The following RASGRP4 variants were observed in gnomAD, a reference collection of about 807,000 sequenced individuals.
RASGRP4 encodes the protein RAS guanyl releasing protein 4.
A neutral mutation model predicts 84.4 loss-of-function variants in RASGRP4; 52 were observed. The observed-to-expected ratio is 0.62, with a 90% CI of 0.49 to 0.78. The LOEUF is 0.78. Among genes scored for constraint, RASGRP4 ranks in the 30% least tolerant of loss-of-function variants. The pLI is 0.00. For synonymous variants in RASGRP4, 356 were observed against 359.1 expected (o/e 0.99, Z 0.10); for missense variants, 760 against 886.9 (o/e 0.86, Z 1.82).
At chr19:38,424,417 G>A (rs931976927) in intron 1 of RASGRP4, among the ~76,000 whole-genome samples, 1 of 151,266 alleles carries the variant, frequency 6.6e-6, no homozygotes, top group Admixed American at 6.6e-5. Context: ...ATCACGCCAG[G>A]CTCCCACCTC....
intron 1 of RASGRP4, 51 bp downstream of exon 1, chr19:38,426,016 TGC>T: frequency 7.5e-7 from 1 of 1,325,746 alleles, no homozygotes; most frequent in Non-Finnish European, 9.8e-7. Flanking sequence ...AGCCCTCCCA[TGC>T]AGAGGGAGGC....
chr19:38,411,974 A>C (rs1252864890), intron 13 of RASGRP4, among the ~76,000 whole-genome samples: 1 of 152,214 alleles, frequency 6.6e-6, no homozygotes, highest in Non-Finnish European at 1.5e-5. Context: ...CCAGAGTTTG[A>C]GGATCTCTTG....
intron 4 of RASGRP4, 110 bp downstream of exon 4, chr19:38,420,798 T>C (rs1971711261): frequency 6.4e-6 from 7 of 1,101,442 alleles, no homozygotes. Flanking sequence ...CCTGTGGGGC[T>C]GGTTGGGTCT....
In RASGRP4 at chr19:38,421,096, A is replaced by C; in HGVS notation, c.313T>G (p.Ser105Ala). 6.2e-7 allele frequency: 1 copy of C among 1,613,214 alleles called. No homozygotes were observed. Among genetic ancestry groups the C allele is most frequent in the Non-Finnish European group, 8.5e-7 (1 of 1,179,272 alleles). Residue 105 changes from serine (S) to alanine (A), a missense_variant and splice_region_variant, in exon 3 of 17, where the codon TCA becomes GCA. Ser to Ala is a moderately conservative substitution (Grantham distance 99, BLOSUM62 1). Transcript: ENST00000615439. ...ATAGCTCACAGTCCTGGAGGATATG[A>C]GGTCAGCAGGCGGGCAGCCAGGTCG... ...SADLAARLLT[S>A]YQKATGDTQE...
chr19:38,422,690 C>A (rs1971813250), intron 1 of RASGRP4, among the ~76,000 whole-genome samples: 1 of 152,106 alleles, frequency 6.6e-6, no homozygotes, highest in African/African-American at 2.4e-5. Flanking sequence ...TCTCATCACC[C>A]CCAGATGGGA....
In RASGRP4 at chr19:38,414,315, T is replaced by TTTTA. The variant is rs1410111729; in HGVS notation, c.1230+529_1230+532dup. ...AGTGGGTCCTTTTATTTTATTTTAT[T>TTTTA]TTTATTTATTTATTTATTTTGAGAA... is the stretch of plus-strand genomic sequence containing the variant. On this transcript the variant is annotated intron_variant, in intron 9 of 16. Transcript: ENST00000615439. Among the ~76,000 whole-genome samples the TTTTA allele has an allele frequency of 1.1e-4, 16 of 152,030 alleles. No homozygotes were observed. In the East Asian group the frequency reaches 1.9e-3, roughly 18 times the overall value.
chr19:38,418,233 G>A lies in RASGRP4; in HGVS notation c.837+158C>T, dbSNP rs1971585273. Among the ~76,000 whole-genome samples, 1 of 152,068 alleles carries A rather than the reference G, an allele frequency of 6.6e-6. No homozygotes were observed. Among genetic ancestry groups the A allele is most frequent in the Non-Finnish European group, 1.5e-5 (1 of 67,990 alleles). Reference sequence around the variant, plus strand: ...ACATCAAGGCCAAAGAAGAAGTTACGGTCCTTGGTTGGAATGCCCAGGCTG... The same window carrying A: ...ACATCAAGGCCAAAGAAGAAGTTACAGTCCTTGGTTGGAATGCCCAGGCTG... On this transcript the variant is annotated intron_variant, in intron 7 of 16. Transcript: ENST00000615439. The surrounding 1 kb of genome is among the most constrained non-coding windows in gnomAD (Gnocchi z 4.6).
At position 38,412,832 on chromosome 19, in the gene RASGRP4, G is replaced by A. The variant is rs757165526; in HGVS notation, c.1536-16C>T. ...GGATCCTCTCCTGGGGGCAGAAACT[G>A]AGCCTCAGCATGACCTGCCCCAACG... is the stretch of plus-strand genomic sequence containing the variant. On this transcript the variant is annotated splice_polypyrimidine_tract_variant and intron_variant, in intron 12 of 16. Transcript: ENST00000615439. This position sits in a 1 kb window ranked among gnomAD's most constrained non-coding sequence, Gnocchi z 4.6. 1 of 1,610,310 alleles carries A rather than the reference G, an allele frequency of 6.2e-7. No individual in the cohort carries two copies. The highest frequency in any genetic ancestry group is 1.7e-5 in the Admixed American group (1 of 59,284).
At position 38,418,289 on chromosome 19, in the gene RASGRP4, G is replaced by T. The variant is rs933976708; in HGVS notation, c.837+102C>A. On this transcript the variant is annotated intron_variant, in intron 7 of 16. Coordinates refer to ENST00000615439, the MANE Select transcript of RASGRP4 (RefSeq NM_170604.3). This position sits in a 1 kb window ranked among gnomAD's most constrained non-coding sequence, Gnocchi z 4.6. The stretch of plus-strand genomic sequence containing the variant: ...TCGGGGGCGGGGCCGGGAGATGCGT[G>T]ACGTCACCGCCGGGATGACCCTGTG... The T allele has an allele frequency of 1.6e-6, 2 of 1,230,462 alleles. No homozygotes were observed. The highest frequency in any genetic ancestry group is 1.5e-5 in the African/African-American group (1 of 66,580). 76.2% of individuals were successfully genotyped at this position (1,230,462 alleles called of 1,614,324 possible). A position where few individuals can be genotyped will look rare whatever the true frequency, so the allele number is the denominator to read the frequency against.
At chr19:38,423,383 A>G (rs1971842088) in intron 1 of RASGRP4, among the ~76,000 whole-genome samples, 2 of 151,788 alleles carry the variant, frequency 1.3e-5, no homozygotes, top group Non-Finnish European at 2.9e-5. Context: ...AAAATTGGTC[A>G]GGCGTGATGG....
intron 8 of RASGRP4, among the ~76,000 whole-genome samples, chr19:38,416,450 C>T (rs1415702666): frequency 8.3e-5 from 10 of 119,962 alleles, no homozygotes; most frequent in South Asian, 5.1e-4. Context: ...GCGACAAGAG[C>T]GAGACTCTGT....
At chr19:38,421,915 G>T in intron 2 of RASGRP4, 54 bp downstream of exon 2, 3 of 1,506,776 alleles carry the variant, frequency 2.0e-6, no homozygotes, top group Non-Finnish European at 2.7e-6. Context: ...GGAGAGAAGC[G>T]AGTGCTGAGC....
At chr19:38,424,264 C>A (rs1399056746) in intron 1 of RASGRP4, among the ~76,000 whole-genome samples, 1 of 152,014 alleles carries the variant, frequency 6.6e-6, no homozygotes, top group Non-Finnish European at 1.5e-5. Flanking sequence ...GGACTACAGG[C>A]ACGTGCCACC....
Position 38,412,621 on chromosome 19 carries a change from C to T in RASGRP4, c.1680+51G>A, listed in dbSNP as rs374370145. The T allele has an allele frequency of 4.0e-4, 623 of 1,565,654 alleles. No homozygotes were observed. Among genetic ancestry groups the T allele is most frequent in the Non-Finnish European group, 5.1e-4 (585 of 1,154,144 alleles). On this transcript the variant is annotated intron_variant, in intron 13 of 16. Transcript: ENST00000615439. The surrounding 1 kb of genome is among the most constrained non-coding windows in gnomAD (Gnocchi z 4.6). Reference sequence around the variant, plus strand: ...GGGTTATCTGGGGTTTGCGGACTGCCGGCTTCAGGACAGATGGAACCTAAG... The same window carrying T: ...GGGTTATCTGGGGTTTGCGGACTGCTGGCTTCAGGACAGATGGAACCTAAG...
chr19:38,420,222 G>T lies in RASGRP4; in HGVS notation c.418C>A (p.Pro140Thr). Residue 140 changes from proline (P) to threonine (T), a missense_variant, in exon 5 of 17, where the codon CCC (proline) becomes ACC (threonine). Coordinates refer to ENST00000615439, the MANE Select transcript of RASGRP4 (RefSeq NM_170604.3). Reference sequence around the variant, plus strand: ...CGACCTATGACTTCTTCTAGCTGGGGATCCTGGTGCATCACCTCAGGGTGT... The same window carrying T: ...CGACCTATGACTTCTTCTAGCTGGGTATCCTGGTGCATCACCTCAGGGTGT... ...MRHPEVMHQDPQLEEVIGRFW... is the reference protein window; with the variant it reads ...MRHPEVMHQDTQLEEVIGRFW... 1 of 1,613,190 alleles carries T rather than the reference G, an allele frequency of 6.2e-7. No homozygotes were observed. The highest frequency in any genetic ancestry group is 1.1e-5 in the South Asian group (1 of 90,910).
At position 38,415,136 on chromosome 19, in the gene RASGRP4, G is replaced by A. The variant is rs765267180; in HGVS notation, c.955-13C>T. 2 of 1,578,488 alleles carry A rather than the reference G, an allele frequency of 1.3e-6. No individual in the cohort carries two copies. The highest frequency in any genetic ancestry group is 2.3e-5 in the East Asian group (1 of 43,720). On this transcript the variant is annotated splice_polypyrimidine_tract_variant and intron_variant, in intron 8 of 16. Transcript: ENST00000615439. ...GCTCCAGGAGGGCCTGGGGAGGAGG[G>A]ACATGGGATTGGGGCGTTATCAGGA...
At chr19:38,414,766 G>T in intron 9 of RASGRP4, 82 bp downstream of exon 9, 1 of 1,393,984 alleles carries the variant, frequency 7.2e-7, no homozygotes. Context: ...TTCTATCCTG[G>T]TCCTGGAGAC....
chr19:38,415,371 AT>A (rs35862695), intron 8 of RASGRP4, among the ~76,000 whole-genome samples: 2,951 of 124,956 alleles, frequency 0.024, 34 homozygotes, highest in East Asian at 0.12. Context: ...TTTCTTTTTG[AT>A]TTTTTTTTTT....
Position 38,422,244 on chromosome 19 carries a change from G to A in RASGRP4, c.24-91C>T, listed in dbSNP as rs1283467541. Reference sequence around the variant, plus strand: ...TGACTCTAATGCCCCAAGGCACCACGGGAGAGGCTTCCTAAAGGCAAAGCC... The same window carrying A: ...TGACTCTAATGCCCCAAGGCACCACAGGAGAGGCTTCCTAAAGGCAAAGCC... On this transcript the variant is annotated intron_variant, in intron 1 of 16. Coordinates refer to ENST00000615439, the MANE Select transcript of RASGRP4 (RefSeq NM_170604.3). 27 of 1,228,194 alleles carry A rather than the reference G, an allele frequency of 2.2e-5. No homozygotes were observed. In the Admixed American group the frequency reaches 4.5e-4, roughly 21 times the overall value. 76.1% of individuals were successfully genotyped at this position (1,228,194 alleles called of 1,614,324 possible). A position where few individuals can be genotyped will look rare whatever the true frequency, so the allele number is the denominator to read the frequency against.
Sources: gnomAD v4.1 joint callset for allele counts (sites outside exome capture counted in the v4.1 genomes callset) on GRCh38, gnomAD v4.1.1 for gene constraint, Gnocchi (gnomAD v3.1) non-coding constraint, MANE v1.5 for transcripts, NCBI Gene and HGNC (gene_info 2026-07-23, HGNC 2026-07-21) for gene names.